The following PSKH2 variants were observed in gnomAD, a reference collection of about 807,000 sequenced individuals.
PSKH2 encodes protein serine kinase H2.
In PSKH2, 16 loss-of-function variants were observed where a neutral mutation model predicts 22.5. That is an observed-to-expected ratio of 0.71 (90% CI 0.48 to 1.08). PSKH2 has a LOEUF of 1.08. Ranked by LOEUF, PSKH2 falls within the 50% of genes least tolerant of loss-of-function variation. The pLI is 0.00. For missense variants in PSKH2, 516 were observed against 492.8 expected, an observed-to-expected ratio of 1.05 and a Z score of -0.44; for synonymous variants, 188 against 184.8, an observed-to-expected ratio of 1.02 and a Z score of -0.14.
rs114833197 is a variant in PSKH2, at chr8:86,055,289, C to A, written c.853-6522G>T. 4.0e-3 allele frequency among the ~76,000 whole-genome samples: 603 copies of A among 151,436 alleles called. 3 individuals are homozygous for A. Among genetic ancestry groups the A allele is most frequent in the African/African-American group, 0.014 (559 of 41,242 alleles). On this transcript the variant is annotated intron_variant, in intron 2 of 2. Transcript: ENST00000276616. ...AGCAGATAGCATAGCTACGTTTATA[C>A]CCTAATCACTAATGCAAGGTGACAT...
At position 86,062,557 on chromosome 8, in the gene PSKH2, G is replaced by A. The variant is rs544279989; in HGVS notation, c.852+1408C>T. Among the ~76,000 whole-genome samples, 12 of 152,164 alleles carry A rather than the reference G, an allele frequency of 7.9e-5. No homozygotes were observed. In the South Asian group the frequency reaches 2.5e-3, roughly 32 times the overall value. On this transcript the variant is annotated intron_variant, in intron 2 of 2. Transcript: ENST00000276616. ...CCACGTTGTTCTCATGATAGTGAGC[G>A]AGTTCTAACGAGATCTGATGGTTTT...
chr8:86,056,926 TTTGTTG>T (rs1208518864), intron 2 of PSKH2, among the ~76,000 whole-genome samples: 1 of 146,532 alleles, frequency 6.8e-6, no homozygotes, highest in Non-Finnish European at 1.5e-5. Context: ...TTTTGGTTTG[TTTGTTG>T]TTGTTGTTGT....
chr8:86,054,008 C>T (rs1434150305), intron 2 of PSKH2, among the ~76,000 whole-genome samples: 12 of 152,050 alleles, frequency 7.9e-5, no homozygotes, highest in Admixed American at 7.9e-4. Flanking sequence ...CAGTAACCAG[C>T]CTGGGTGACA....
At chr8:86,067,142 C>T (rs1035863511) in intron 1 of PSKH2, among the ~76,000 whole-genome samples, 2 of 152,084 alleles carry the variant, frequency 1.3e-5, no homozygotes, top group South Asian at 4.1e-4. Context: ...GTTAAGGGGG[C>T]TTCATATTTC....
At chr8:86,052,399 T>C (rs1274132726) in intron 2 of PSKH2, among the ~76,000 whole-genome samples, 4 of 152,182 alleles carry the variant, frequency 2.6e-5, no homozygotes, top group Admixed American at 2.6e-4. Context: ...ATGAAGTCCT[T>C]GGATCTGGAC....
intron 2 of PSKH2, among the ~76,000 whole-genome samples, chr8:86,056,395 C>T (rs752538879): frequency 6.6e-6 from 1 of 151,654 alleles, no homozygotes; most frequent in Non-Finnish European, 1.5e-5. Context: ...CATTGCTCAC[C>T]AAAAAAAGAT....
rs1437716741 is a variant in PSKH2, at chr8:86,064,262, C to T, written c.555G>A (p.Lys185=). 2 of 1,614,096 alleles carry T rather than the reference C, an allele frequency of 1.2e-6. No individual in the cohort carries two copies. Among genetic ancestry groups the T allele is most frequent in the Non-Finnish European group, 1.7e-6 (2 of 1,180,008 alleles). Residue 185 remains lysine, a synonymous_variant, in exon 2 of 3, where the codon AAG becomes AAA. Coordinates refer to ENST00000276616, the MANE Select transcript of PSKH2 (RefSeq NM_033126.3). ...HALQITHRNL[K]PENLLYYHPG... The stretch of plus-strand genomic sequence containing the variant: ...GATGATAGTATAAGAGGTTTTCAGG[C>T]TTTAGATTCCTATGAGTTATCTGCA...
chr8:86,049,259 C>T lies in PSKH2; in HGVS notation c.853-492G>A, dbSNP rs150193073. ...TGAGAAATCATCAACTTTTCCCTCC[C>T]TTTGAAAGCTTACTCTGAGCCAGGC... On this transcript the variant is annotated intron_variant, in intron 2 of 2. Coordinates refer to ENST00000276616, the MANE Select transcript of PSKH2 (RefSeq NM_033126.3). 1.8e-3 allele frequency among the ~76,000 whole-genome samples: 280 copies of T among 152,198 alleles called. 3 individuals carry two copies. The highest frequency in any genetic ancestry group is 0.01 in the Middle Eastern group (3 of 294).
In PSKH2 at chr8:86,048,608, G is replaced by A. The variant is rs772210187; in HGVS notation, c.1012C>T (p.Arg338Ter). The A allele has an allele frequency of 1.9e-5, 30 of 1,613,954 alleles. No homozygotes were observed. Among genetic ancestry groups the A allele is most frequent in the Middle Eastern group, 3.3e-4 (2 of 6,078 alleles). The change falls in exon 3 of 3, where the codon CGA becomes TGA. Residue 338 changes from arginine to a stop codon, truncating the protein, a stop_gained. Coordinates refer to ENST00000276616, the MANE Select transcript of PSKH2 (RefSeq NM_033126.3). LOFTEE classifies it low-confidence loss of function (END_TRUNC). ...GGAGAGGCCCTCTGCATGAGGTTTC[G>A]GGATATGGCCCTCTGGAGATTCTTC... ...SMKNLQRAIS[R>*]NLMQRASPHS...
chr8:86,047,260 A>AGT lies in PSKH2; in HGVS notation c.*1200_*1201dup, dbSNP rs527386204. Among the ~76,000 whole-genome samples the AGT allele has an allele frequency of 6.6e-6, 1 of 152,140 alleles. No individual in the cohort carries two copies. The highest frequency in any genetic ancestry group is 2.1e-4 in the South Asian group (1 of 4,830). ...CTATTATTTATCTAATGAATTTGTA[A>AGT]GTGTCTTTCTATATTAAAGGAATTA... On this transcript the variant is annotated 3_prime_UTR_variant, in exon 3 of 3. Coordinates refer to ENST00000276616, the MANE Select transcript of PSKH2 (RefSeq NM_033126.3).
chr8:86,067,194 C>T, intron 1 of PSKH2, among the ~76,000 whole-genome samples: 1 of 152,046 alleles, frequency 6.6e-6, no homozygotes. Flanking sequence ...TTGGAGGAAA[C>T]AGTACACTTG....
In PSKH2 at chr8:86,048,697, C is replaced by A; in HGVS notation, c.923G>T (p.Arg308Leu). 6.2e-7 allele frequency: 1 copy of A among 1,613,986 alleles called. No homozygotes were observed. The highest frequency in any genetic ancestry group is 8.5e-7 in the Non-Finnish European group (1 of 1,179,970). ...GTCCAGGGCCTGGCCAGCTGACATG[C>A]GATGACCAGCCTCCAAAATCAGTAG... ...DKLLILEAGH[R>L]MSAGQALDHP... Residue 308 changes from arginine (R) to leucine (L), a missense_variant, in exon 3 of 3, where the codon CGC (arginine) becomes CTC (leucine). Coordinates refer to ENST00000276616, the MANE Select transcript of PSKH2 (RefSeq NM_033126.3).
chr8:86,051,010 A>G (rs181759531), intron 2 of PSKH2, among the ~76,000 whole-genome samples: 349 of 152,114 alleles, frequency 2.3e-3, no homozygotes, highest in Non-Finnish European at 3.5e-3. Flanking sequence ...TTTCCCAAGT[A>G]ACTGTGACTG....
chr8:86,068,508 A>T (rs200224708), intron 1 of PSKH2, among the ~76,000 whole-genome samples: 16 of 152,352 alleles, frequency 1.1e-4, no homozygotes, highest in South Asian at 2.1e-4. Flanking sequence ...GGTACCATGC[A>T]CTGTGCAGCA....
chr8:86,066,881 T>C (rs1817869485), intron 1 of PSKH2, among the ~76,000 whole-genome samples: 1 of 152,210 alleles, frequency 6.6e-6, no homozygotes, highest in South Asian at 2.1e-4. Context: ...ACTCTGCTTT[T>C]CTATTCACAT....
intron 2 of PSKH2, among the ~76,000 whole-genome samples, chr8:86,057,474 C>T (rs1817716897): frequency 6.6e-6 from 1 of 151,986 alleles, no homozygotes; most frequent in African/African-American, 2.4e-5. Context: ...GCAACCTCCA[C>T]CTCCCGGGTT....
chr8:86,049,603 G>C (rs1296100025), intron 2 of PSKH2, among the ~76,000 whole-genome samples: 1 of 146,226 alleles, frequency 6.8e-6, no homozygotes, highest in Non-Finnish European at 1.5e-5. Flanking sequence ...AGAGCGAAGA[G>C]GGGAGGGGAG....
chr8:86,064,884 T>C (rs1817837023), intron 1 of PSKH2, among the ~76,000 whole-genome samples: 1 of 152,158 alleles, frequency 6.6e-6, no homozygotes, highest in South Asian at 2.1e-4. Flanking sequence ...TATACAGTTA[T>C]TATATGCCAA....
intron 2 of PSKH2, among the ~76,000 whole-genome samples, chr8:86,060,134 G>A (rs1314230524): frequency 1.3e-5 from 2 of 152,154 alleles, no homozygotes; most frequent in African/African-American, 4.8e-5. Context: ...TGCATAACAA[G>A]ACAGCCTTTG....
Sources: allele counts gnomAD v4.1 joint callset (sites outside exome capture counted in the v4.1 genomes callset), GRCh38; gene constraint gnomAD v4.1.1; transcripts MANE v1.5; gene names NCBI Gene and HGNC (gene_info 2026-07-23, HGNC 2026-07-21).